The following RBKS variants were observed in gnomAD, a reference collection of about 807,000 sequenced individuals.
RBKS encodes ribokinase.
In RBKS, 33 loss-of-function variants were observed where a neutral mutation model predicts 33.9. That is an observed-to-expected ratio of 0.97 (90% CI 0.74 to 1.30). The LOEUF (loss-of-function observed/expected upper bound fraction) is 1.30, where lower values mean the gene tolerates loss of function less well. RBKS is among the 50% of genes most tolerant of loss of function. The pLI is 0.00. For synonymous variants in RBKS, 125 were observed against 143.0 expected (o/e 0.87, Z 0.90); for missense variants, 361 against 392.6 (o/e 0.92, Z 0.68).
intron 7 of RBKS, among the ~76,000 whole-genome samples, chr2:27,825,301 G>C (rs889588463): frequency 2.6e-5 from 4 of 152,098 alleles, no homozygotes; most frequent in African/African-American, 7.2e-5. Context: ...TCTAGAATTA[G>C]CATTTACATT....
intron 1 of RBKS, among the ~76,000 whole-genome samples, chr2:27,877,577 G>A (rs1664337884): frequency 6.6e-6 from 1 of 151,644 alleles, no homozygotes; most frequent in South Asian, 2.1e-4. Context: ...AACCGCCCCT[G>A]CCCCCCCAAT....
intron 1 of RBKS, among the ~76,000 whole-genome samples, chr2:27,864,883 C>T (rs1664058315): frequency 6.6e-6 from 1 of 152,210 alleles, no homozygotes; most frequent in Admixed American, 6.5e-5. Flanking sequence ...GACCTACTGA[C>T]CTTTGCTTTG....
intron 6 of RBKS, among the ~76,000 whole-genome samples, chr2:27,828,839 TTTC>T (rs1678367561): frequency 6.6e-6 from 1 of 152,240 alleles, no homozygotes; most frequent in African/African-American, 2.4e-5. Flanking sequence ...CACAAAATTT[TTTC>T]TTCTTTCATA....
intron 7 of RBKS, among the ~76,000 whole-genome samples, chr2:27,793,752 G>A (rs571350229): frequency 6.6e-6 from 1 of 152,054 alleles, no homozygotes; most frequent in Non-Finnish European, 1.5e-5. Context: ...AAAACTTCTT[G>A]AATTTGATAA....
At chr2:27,822,726 T>C (rs1025059446) in intron 7 of RBKS, among the ~76,000 whole-genome samples, 17 of 151,310 alleles carry the variant, frequency 1.1e-4, no homozygotes, top group Admixed American at 5.3e-4. Flanking sequence ...CTGAACACTA[T>C]AGGACTCAAA....
chr2:27,861,546 C>T, intron 1 of RBKS: 1 of 471,034 alleles, frequency 2.1e-6, no homozygotes, highest in Non-Finnish European at 4.4e-6. Context: ...TGATGTATCT[C>T]CTACAAGGCA....
Position 27,858,150 on chromosome 2 carries a change from G to A in RBKS, c.222+289C>T, listed in dbSNP as rs543111835. 1.4e-4 allele frequency among the ~76,000 whole-genome samples: 21 copies of A among 152,214 alleles called. No homozygotes were observed. In the South Asian group the frequency reaches 2.1e-3, roughly 15 times the overall value. On this transcript the variant is annotated intron_variant, in intron 2 of 7. Coordinates refer to ENST00000302188, the MANE Select transcript of RBKS (RefSeq NM_022128.3). ...ATATTCCATTTATATGAAATGTCCC[G>A]AATAGATAAATCCATAGAGATAGAA...
intron 1 of RBKS, among the ~76,000 whole-genome samples, chr2:27,884,350 C>T (rs978517136): frequency 7.9e-5 from 12 of 152,068 alleles, no homozygotes; most frequent in African/African-American, 2.9e-4. Flanking sequence ...GGGTCTCCAG[C>T]GATCCTCCCA....
At chr2:27,858,853 T>C (rs1391123502) in intron 1 of RBKS, among the ~76,000 whole-genome samples, 2 of 152,218 alleles carry the variant, frequency 1.3e-5, no homozygotes, top group Non-Finnish European at 2.9e-5. Flanking sequence ...ATACTTTTCC[T>C]TCATATTCTC....
At chr2:27,838,327 A>T (rs990438703) in intron 5 of RBKS, among the ~76,000 whole-genome samples, 1 of 152,228 alleles carries the variant, frequency 6.6e-6, no homozygotes, top group Admixed American at 6.5e-5. Context: ...AAATGATAGT[A>T]TATATAGGTT....
chr2:27,847,363 C>A (rs1309847940), intron 3 of RBKS, among the ~76,000 whole-genome samples: 1 of 152,134 alleles, frequency 6.6e-6, no homozygotes, highest in Non-Finnish European at 1.5e-5. Context: ...TCGATTCCCC[C>A]CAATTATTCA....
At position 27,874,954 on chromosome 2, in the gene RBKS, C is replaced by T. The variant is rs896403598; in HGVS notation, c.89+15303G>A. On this transcript the variant is annotated intron_variant, in intron 1 of 7. Transcript: ENST00000302188. ...TTGCTGCAGAACTCTTAACCAGCAT[C>T]TTTACATTTTCTTTTCTTTGAACTG... Among the ~76,000 whole-genome samples the T allele has an allele frequency of 1.2e-4, 18 of 152,186 alleles. No homozygotes were observed. The South Asian group carries it at 2.1e-3, about 18-fold the overall frequency.
rs1573040174 is a variant in RBKS, at chr2:27,805,449, A to G, written c.795+22118T>C. ...GACCCTTGCACTGCTGGTGTGTGCC[A>G]TGTTCCAGGCATAAGAGCTTCAGTA... On this transcript the variant is annotated intron_variant, in intron 7 of 7. Transcript: ENST00000302188. Among the ~76,000 whole-genome samples the G allele has an allele frequency of 4.6e-5, 7 of 152,346 alleles. No homozygotes were observed. In the South Asian group the frequency reaches 1.4e-3, roughly 32 times the overall value.
chr2:27,844,981 T>C (rs1239899306), intron 4 of RBKS, among the ~76,000 whole-genome samples: 1 of 152,226 alleles, frequency 6.6e-6, no homozygotes, highest in East Asian at 1.9e-4. Context: ...TCCTATCATC[T>C]TACCACAGAT....
chr2:27,845,472 AT>A (rs1480779735), intron 4 of RBKS, among the ~76,000 whole-genome samples: 1 of 152,208 alleles, frequency 6.6e-6, no homozygotes, highest in Non-Finnish European at 1.5e-5. Flanking sequence ...ATATCTTTGC[AT>A]GGAAAATGCA....
intron 7 of RBKS, among the ~76,000 whole-genome samples, chr2:27,817,071 G>A (rs961176408): frequency 1.3e-5 from 2 of 152,130 alleles, no homozygotes; most frequent in African/African-American, 4.8e-5. Context: ...GCTTAGGGAG[G>A]GTAAGCGACT....
At chr2:27,832,547 G>A (rs544639625) in intron 6 of RBKS, 139 bp downstream of exon 6, 52 of 660,980 alleles carry the variant, frequency 7.9e-5, no homozygotes, top group Non-Finnish European at 1.3e-4. Context: ...TCCACACCCC[G>A]GTAAACTGAA....
At chr2:27,846,536 A>G (rs577895335) in intron 4 of RBKS, among the ~76,000 whole-genome samples, 1 of 152,368 alleles carries the variant, frequency 6.6e-6, no homozygotes, top group East Asian at 1.9e-4. Context: ...AGTTGTATAT[A>G]TAGACTTTTG....
chr2:27,849,483 C>T (rs981112065), intron 2 of RBKS, among the ~76,000 whole-genome samples: 2 of 142,664 alleles, frequency 1.4e-5, no homozygotes, highest in African/African-American at 5.3e-5. Flanking sequence ...CTGCTTAAAC[C>T]CAGGAGGCGG....
Sources: allele counts gnomAD v4.1 joint callset (sites outside exome capture counted in the v4.1 genomes callset), GRCh38; gene constraint gnomAD v4.1.1; transcripts MANE v1.5; gene names NCBI Gene and HGNC (gene_info 2026-07-23, HGNC 2026-07-21).